The following ARHGAP32 variants were observed in gnomAD, a reference collection of about 807,000 sequenced individuals.
ARHGAP32 encodes Rho GTPase activating protein 32, also known as rho GTPase-activating protein 32.
Under a neutral mutation model 186.5 loss-of-function variants are expected in ARHGAP32, and 51 were observed. The observed-to-expected ratio is 0.27, with a 90% CI of 0.22 to 0.35. The LOEUF (loss-of-function observed/expected upper bound fraction) is 0.35, where lower values mean the gene tolerates loss of function less well. Among genes scored for constraint, ARHGAP32 ranks in the 10% least tolerant of loss-of-function variants. The pLI is 1.00. For missense variants in ARHGAP32, 2,186 were observed against 2,623.5 expected (o/e 0.83, Z 3.64); for synonymous variants, 950 against 964.3 (o/e 0.99, Z 0.27).
Position 128,970,208 on chromosome 11 carries a change from T to A in ARHGAP32, c.5005A>T (p.Ser1669Cys). 6.2e-7 allele frequency: 1 copy of A among 1,614,166 alleles called. No homozygotes were observed. The highest frequency in any genetic ancestry group is 8.5e-7 in the Non-Finnish European group (1 of 1,180,030). Residue 1669 changes from serine to cysteine, a missense_variant, in exon 23 of 23, where the codon AGT becomes TGT. Ser to Cys is a moderately radical substitution (Grantham distance 112, BLOSUM62 -1). Transcript: ENST00000682385. The surrounding 1 kb of genome is among the most constrained non-coding windows in gnomAD (Gnocchi z 5.8). ...GGACTGTAATAGGAACTAGAAGAAC[T>A]GGAATATGGGCTATACCTGTAGTGG... ...RVHYRYSPYS[S>C]SSSSYYSPDG...
chr11:129,073,896 T>A (rs1167443310), intron 6 of ARHGAP32, among the ~76,000 whole-genome samples: 1 of 152,160 alleles, frequency 6.6e-6, no homozygotes, highest in Non-Finnish European at 1.5e-5. Context: ...TATAACATAT[T>A]CTCAGAAACC....
At chr11:129,170,322 C>G (rs1366524431) in intron 1 of ARHGAP32, among the ~76,000 whole-genome samples, 1 of 151,938 alleles carries the variant, frequency 6.6e-6, no homozygotes, top group Non-Finnish European at 1.5e-5. Flanking sequence ...CTTTCCGTCC[C>G]CTCCCCTCAC....
intron 1 of ARHGAP32, among the ~76,000 whole-genome samples, chr11:129,218,068 A>G (rs1462900317): frequency 2.0e-5 from 3 of 152,222 alleles, no homozygotes; most frequent in Non-Finnish European, 2.9e-5. Flanking sequence ...GACTCAGGTA[A>G]AACATCAAAA....
intron 6 of ARHGAP32, among the ~76,000 whole-genome samples, chr11:129,075,194 T>C (rs1474892058): frequency 2.0e-5 from 3 of 152,110 alleles, no homozygotes; most frequent in Non-Finnish European, 2.9e-5. Flanking sequence ...TGGTCTAACA[T>C]ACCAATTAAA....
chr11:128,996,014 C>T (rs140689876), intron 12 of ARHGAP32, among the ~76,000 whole-genome samples: 2 of 152,266 alleles, frequency 1.3e-5, no homozygotes, highest in East Asian at 3.9e-4. Context: ...CAAATGTTTT[C>T]CAAAAAGGTA....
chr11:129,067,719 G>C (rs1056389006), intron 6 of ARHGAP32, among the ~76,000 whole-genome samples: 6 of 152,134 alleles, frequency 3.9e-5, no homozygotes, highest in Admixed American at 3.9e-4. Flanking sequence ...TTTTTATGTA[G>C]AGCCTTTTGG....
chr11:129,060,336 CATAG>C (rs60434028), intron 10 of ARHGAP32, among the ~76,000 whole-genome samples: 18,356 of 148,424 alleles, frequency 0.12, 1,207 homozygotes, highest in South Asian at 0.18. Flanking sequence ...AGGTGTTACA[CATAG>C]ATAGATAGAT....
chr11:129,062,193 A>G, intron 10 of ARHGAP32, 87 bp downstream of exon 10: 5 of 1,106,316 alleles, frequency 4.5e-6, no homozygotes, highest in Non-Finnish European at 6.9e-6. Flanking sequence ...GACAAAGTCC[A>G]TTACCAGCAC....
rs115387229 is a variant in ARHGAP32 at position 129,142,739 on chromosome 11, A to C, written c.226-17845T>G. On this transcript the variant is annotated intron_variant, in intron 2 of 22. Transcript: ENST00000682385. ...TTAAAGGAAAAAAAAAAACCACTAAAATATGCATGGGGAAAGTATAATAAG... is the reference window on the plus strand; with the variant it reads ...TTAAAGGAAAAAAAAAAACCACTAACATATGCATGGGGAAAGTATAATAAG... Among the ~76,000 whole-genome samples, 191 of 152,060 alleles carry C rather than the reference A, an allele frequency of 1.3e-3. 1 individual carries two copies. The highest frequency in any genetic ancestry group is 4.2e-3 in the African/African-American group (174 of 41,524).
At chr11:128,993,047 A>G (rs941088313) in intron 12 of ARHGAP32, among the ~76,000 whole-genome samples, 2 of 152,204 alleles carry the variant, frequency 1.3e-5, no homozygotes, top group African/African-American at 4.8e-5. Context: ...CTGCCTTGTC[A>G]GGCTCCTATG....
intron 6 of ARHGAP32, among the ~76,000 whole-genome samples, chr11:129,074,468 C>G (rs999218192): frequency 6.6e-6 from 1 of 152,058 alleles, no homozygotes; most frequent in African/African-American, 2.4e-5. Context: ...TATATCACAA[C>G]CTGTAGTGCA....
chr11:129,273,397 A>G (rs1945494466), intron 1 of ARHGAP32, among the ~76,000 whole-genome samples: 1 of 152,164 alleles, frequency 6.6e-6, no homozygotes, highest in Non-Finnish European at 1.5e-5. Context: ...CACTGAATAT[A>G]AAACAAGAAG....
At chr11:129,156,233 C>T (rs755784709) in intron 2 of ARHGAP32, among the ~76,000 whole-genome samples, 1 of 152,152 alleles carries the variant, frequency 6.6e-6, no homozygotes, top group Non-Finnish European at 1.5e-5. Context: ...GGAATGCCAA[C>T]AAGACAGAAC....
intron 1 of ARHGAP32, among the ~76,000 whole-genome samples, chr11:129,227,474 T>TAA (rs33996728): frequency 1.8e-4 from 26 of 147,904 alleles, no homozygotes; most frequent in South Asian, 4.3e-4. Flanking sequence ...ATTGACAGTT[T>TAA]AAAAAAAAAA....
chr11:129,088,636 A>T (rs1941480569), intron 6 of ARHGAP32, among the ~76,000 whole-genome samples: 1 of 152,208 alleles, frequency 6.6e-6, no homozygotes, highest in African/African-American at 2.4e-5. Flanking sequence ...AAACAGACTG[A>T]ATAAACAATC....
chr11:129,238,831 T>C (rs1944976472), intron 1 of ARHGAP32, among the ~76,000 whole-genome samples: 1 of 147,990 alleles, frequency 6.8e-6, no homozygotes, highest in Admixed American at 6.7e-5. Context: ...AAAGTGTTAT[T>C]TTCACAATAA....
chr11:129,258,381 C>T (rs905561515), intron 1 of ARHGAP32, among the ~76,000 whole-genome samples: 13 of 152,150 alleles, frequency 8.5e-5, no homozygotes, highest in African/African-American at 3.1e-4. Flanking sequence ...CTGCAGACCC[C>T]GGTGTTCTGA....
At chr11:129,080,536 A>G (rs1013787914) in intron 6 of ARHGAP32, among the ~76,000 whole-genome samples, 1 of 152,200 alleles carries the variant, frequency 6.6e-6, no homozygotes, top group Non-Finnish European at 1.5e-5. Context: ...ATGGAAATTT[A>G]AAAATTCTTT....
At chr11:129,128,324 C>G (rs1942710099) in intron 2 of ARHGAP32, among the ~76,000 whole-genome samples, 1 of 152,132 alleles carries the variant, frequency 6.6e-6, no homozygotes, top group East Asian at 1.9e-4. Flanking sequence ...ATTCCTTGAG[C>G]ATGAAGCCAA....
Sources: gnomAD v4.1 joint callset for allele counts (sites outside exome capture counted in the v4.1 genomes callset) on GRCh38, gnomAD v4.1.1 for gene constraint, Gnocchi (gnomAD v3.1) non-coding constraint, MANE v1.5 for transcripts, NCBI Gene and HGNC (gene_info 2026-07-23, HGNC 2026-07-21) for gene names.